EVC: variants seen among roughly 807,000 people sequenced by gnomAD.
EVC encodes EvC ciliary complex subunit 1, also known as evC complex member EVC.
EVC carries 116 observed loss-of-function variants against 118.9 expected under a neutral mutation model. That is an observed-to-expected ratio of 0.98 (90% confidence interval 0.84 to 1.14). The LOEUF is 1.14. EVC is among the 50% of genes most tolerant of loss of function. The probability of loss-of-function intolerance (pLI) is 0.00; values close to 1 mark genes in which losing one functional copy is unlikely to be tolerated. For synonymous variants in EVC, 619 were observed against 534.7 expected, an observed-to-expected ratio of 1.16 and a Z score of -2.18; for missense variants, 1,401 against 1,246.4, an observed-to-expected ratio of 1.12 and a Z score of -1.87.
rs1726771002 is a variant in EVC at position 5,731,291 on chromosome 4, TG to T, written c.385-132del. 1.2e-6 allele frequency: 1 copy of T among 813,422 alleles called. No homozygotes were observed. Among genetic ancestry groups the T allele is most frequent in the Admixed American group, 1.8e-5 (1 of 56,846 alleles). The allele number at this position is 813,422 out of a possible 1,614,324, so 50.4% of individuals were successfully genotyped here. A position where few individuals can be genotyped will look rare whatever the true frequency, so the allele number is the denominator to read the frequency against. ...GGGACGGAAACTCTGTGGTGTCTGC[TG>T]GCACCCTGGCCAGTCTCCTCCAGGC... On this transcript the variant is annotated intron_variant, in intron 3 of 20. Coordinates refer to ENST00000264956, the MANE Select transcript of EVC (RefSeq NM_153717.3). The surrounding 1 kb of genome is among the most constrained non-coding windows in gnomAD (Gnocchi z 5.6).
At position 5,748,178 on chromosome 4, in the gene EVC, A is replaced by G. The variant is rs769651463; in HGVS notation, c.970A>G (p.Ile324Val). 1.2e-6 allele frequency: 2 copies of G among 1,614,098 alleles called. No individual in the cohort carries two copies. Among genetic ancestry groups the G allele is most frequent in the African/African-American group, 2.7e-5 (2 of 74,924 alleles). Residue 324 changes from isoleucine (I) to valine (V), a missense_variant, in exon 8 of 21, where the codon ATC becomes GTC. Ile to Val is a conservative substitution (Grantham distance 29). Coordinates refer to ENST00000264956, the MANE Select transcript of EVC (RefSeq NM_153717.3). ...AGCTTTCTGGAAACAGATGGCAAATATCCAGCACTTTCTTGTGGACCAGTT... is the reference window on the plus strand; with the variant it reads ...AGCTTTCTGGAAACAGATGGCAAATGTCCAGCACTTTCTTGTGGACCAGTT... ...MEAFWKQMAN[I>V]QHFLVDQFKC...
chr4:5,760,498 G>T (rs1455053327), intron 11 of EVC, among the ~76,000 whole-genome samples: 1 of 152,080 alleles, frequency 6.6e-6, no homozygotes, highest in African/African-American at 2.4e-5. Context: ...AAGGTGTCGA[G>T]GGACACAGTG....
At chr4:5,817,763 G>A (rs186342218), downstream of EVC, among the ~76,000 whole-genome samples, 3 of 152,278 alleles carry the variant, frequency 2.0e-5, no homozygotes, top group Admixed American at 2.0e-4. Flanking sequence ...TGAGTCTATA[G>A]AGATTTGGCC....
At chr4:5,717,711 A>C (rs562191898) in intron 1 of EVC, among the ~76,000 whole-genome samples, 10 of 152,262 alleles carry the variant, frequency 6.6e-5, no homozygotes, top group Non-Finnish European at 1.5e-5. Context: ...TGTCTCTAGA[A>C]TGCTCCTCCC....
chr4:5,797,183 G>A lies in EVC; in HGVS notation c.2048G>A (p.Gly683Glu), dbSNP rs573160908. 1.3e-5 allele frequency: 21 copies of A among 1,613,144 alleles called. No individual in the cohort carries two copies. In the African/African-American group the frequency reaches 2.3e-4, roughly 17 times the overall value. The part of the protein sequence containing the change: ...ELREQRALEQ[G>E]SSQCLDEHQW... ...CGGGAACAGCGTGCACTGGAGCAGG[G>A]GTCCTCCCAGTGCCTGGACGAGCAT... The change falls in exon 14 of 21, where the codon GGG (glycine) becomes GAG (glutamate). Residue 683 changes from glycine (G) to glutamate (E), a missense_variant. Physicochemically the swap from Gly to Glu is moderately conservative, Grantham distance 98. Transcript: ENST00000264956.
chr4:5,711,655 G>A (rs1182458419), intron 1 of EVC, 101 bp downstream of exon 1: 5 of 951,052 alleles, frequency 5.3e-6, no homozygotes, highest in African/African-American at 3.5e-5. Context: ...CCTTGAGCCT[G>A]GTTGGGAACT....
intron 12 of EVC, among the ~76,000 whole-genome samples, chr4:5,792,683 A>G (rs1713019840): frequency 1.3e-5 from 2 of 152,218 alleles, no homozygotes; most frequent in African/African-American, 2.4e-5. Context: ...TGAAAAGCCA[A>G]AAGGATCTAC....
At chr4:5,720,719 G>A (rs1032491462) in intron 2 of EVC, among the ~76,000 whole-genome samples, 3 of 152,176 alleles carry the variant, frequency 2.0e-5, no homozygotes, top group Non-Finnish European at 4.4e-5. Context: ...GGGGAGAGAT[G>A]GGGAAGCCTC....
chr4:5,752,742 A>T, intron 8 of EVC, 94 bp from the exon 9 acceptor site: 1 of 1,270,034 alleles, frequency 7.9e-7, no homozygotes. Flanking sequence ...GCCATTAGTT[A>T]ATGACCCTGG....
Position 5,737,131 on chromosome 4 carries a change from C to T in EVC, c.702+3696C>T, listed in dbSNP as rs1727818309. On this transcript the variant is annotated intron_variant, in intron 5 of 20. Transcript: ENST00000264956. This position sits in a 1 kb window ranked among gnomAD's most constrained non-coding sequence, Gnocchi z 5.0. ...CTGATATGGAGAAAGTCTGAGTGGT[C>T]TGCATAGAAGATCAAACCAGACACA... Among the ~76,000 whole-genome samples the T allele has an allele frequency of 6.6e-6, 1 of 152,212 alleles. No homozygotes were observed. The highest frequency in any genetic ancestry group is 1.5e-5 in the Non-Finnish European group (1 of 68,044).
chr4:5,826,006 C>G, the EVC span: 3 of 348,392 alleles, frequency 8.6e-6, no homozygotes, highest in South Asian at 9.4e-5. Context: ...CACGCGTGAA[C>G]ACGCACACAC....
chr4:5,724,727 C>G (rs557882113), intron 2 of EVC, among the ~76,000 whole-genome samples: 2 of 150,594 alleles, frequency 1.3e-5, no homozygotes, highest in East Asian at 3.9e-4. Context: ...TTCTTGAAAC[C>G]TTTTCTTCAA....
intron 1 of EVC, among the ~76,000 whole-genome samples, chr4:5,714,372 A>G (rs1723586157): frequency 6.6e-6 from 1 of 152,240 alleles, no homozygotes; most frequent in South Asian, 2.1e-4. Flanking sequence ...TATTAGTTCA[A>G]AAGGAGCAAT....
chr4:5,712,196 G>A (rs1386623136), intron 1 of EVC, among the ~76,000 whole-genome samples: 1 of 152,210 alleles, frequency 6.6e-6, no homozygotes, highest in Non-Finnish European at 1.5e-5. Context: ...GGCAATGCTA[G>A]CGTTTATTAA....
downstream of EVC, among the ~76,000 whole-genome samples, chr4:5,816,761 C>T (rs1333348335): frequency 1.3e-5 from 2 of 151,094 alleles, no homozygotes; most frequent in East Asian, 3.9e-4. Flanking sequence ...AATCTGTGGG[C>T]TCTGCCTCCT....
Position 5,809,605 on chromosome 4 carries a change from C to A in EVC, c.2776C>A (p.Leu926Met). The change falls in exon 19 of 21, where the codon CTG (leucine) becomes ATG (methionine). Residue 926 changes from leucine (L) to methionine (M), a missense_variant. Physicochemically the swap from Leu to Met is conservative, Grantham distance 15. Transcript: ENST00000264956. ...CAAACTGTTGCCTGCTAAGCGTGGG[C>A]TGCTAGGTGAGTCACAGATGCTTGA... ...ESKLLPAKRG[L>M]LEKPLRTKRK... 1 of 1,614,076 alleles carries A rather than the reference C, an allele frequency of 6.2e-7. No homozygotes were observed. The highest frequency in any genetic ancestry group is 2.2e-5 in the East Asian group (1 of 44,874).
At chr4:5,814,543 G>T (rs958937325), downstream of EVC, among the ~76,000 whole-genome samples, 3 of 152,154 alleles carry the variant, frequency 2.0e-5, no homozygotes, top group African/African-American at 7.2e-5. Flanking sequence ...CTGGCCTTAT[G>T]GGCGGCGTTC....
At chr4:5,711,980 C>T (rs1195046133) in intron 1 of EVC, among the ~76,000 whole-genome samples, 1 of 152,200 alleles carries the variant, frequency 6.6e-6, no homozygotes, top group Non-Finnish European at 1.5e-5. Context: ...TGAGTCCCAG[C>T]TGCCACATTG....
intron 11 of EVC, among the ~76,000 whole-genome samples, chr4:5,767,349 T>G (rs1733073002): frequency 9.4e-6 from 1 of 106,432 alleles, no homozygotes; most frequent in Non-Finnish European, 2.3e-5. Flanking sequence ...ACTGCTGTCT[T>G]TTTGTTTGTC....
Sources: gnomAD v4.1 joint callset for allele counts (sites outside exome capture counted in the v4.1 genomes callset) on GRCh38, gnomAD v4.1.1 for gene constraint, Gnocchi (gnomAD v3.1) non-coding constraint, MANE v1.5 for transcripts, NCBI Gene and HGNC (gene_info 2026-07-23, HGNC 2026-07-21) for gene names.